SMAD1: variants seen among roughly 807,000 people sequenced by gnomAD.
The protein encoded by SMAD1 is SMAD family member 1.
SMAD1 carries 6 observed loss-of-function variants against 41.6 expected under a neutral mutation model. That is an observed-to-expected ratio of 0.14 (90% CI 0.08 to 0.28). The LOEUF (loss-of-function observed/expected upper bound fraction) is 0.28, where lower values mean the gene tolerates loss of function less well. Among genes scored for constraint, SMAD1 ranks in the 10% least tolerant of loss-of-function variants. The pLI, the probability that SMAD1 is intolerant of heterozygous loss-of-function variation, is 1.00. For synonymous variants in SMAD1, 206 were observed against 203.2 expected, an observed-to-expected ratio of 1.01 and a Z score of -0.12; for missense variants, 379 against 582.6, an observed-to-expected ratio of 0.65 and a Z score of 3.60.
intron 3 of SMAD1, 40 bp downstream of exon 3, chr4:145,540,101 G>A: frequency 6.2e-7 from 1 of 1,611,114 alleles, no homozygotes; most frequent in Non-Finnish European, 8.5e-7. Flanking sequence ...AGTCATATCA[G>A]ACAGTGTTAT....
intron 4 of SMAD1, 35 bp downstream of exon 4, chr4:145,542,733 G>A (rs1432508250): frequency 3.6e-6 from 5 of 1,387,676 alleles, no homozygotes; most frequent in Admixed American, 1.8e-5. Context: ...CTTTTTTAGA[G>A]TCTAAAGTTT....
intron 2 of SMAD1, among the ~76,000 whole-genome samples, chr4:145,538,047 T>TA (rs1560755148): frequency 6.6e-6 from 1 of 152,174 alleles, no homozygotes; most frequent in African/African-American, 2.4e-5. Context: ...GGGAGTGGTT[T>TA]AGGGGCCAAT....
In SMAD1 at chr4:145,514,573, T is replaced by C; in HGVS notation, c.-41T>C. On this transcript the variant is annotated 5_prime_UTR_variant, in exon 2 of 7. Coordinates refer to ENST00000302085, the MANE Select transcript of SMAD1 (RefSeq NM_005900.3). The surrounding 1 kb of genome is among the most constrained non-coding windows in gnomAD (Gnocchi z 4.7). ...TGTCCTTTTGCATTTGGAGACAGCTTTATTTCACCATATCCAAGGAGTATA... is the reference window on the plus strand; with the variant it reads ...TGTCCTTTTGCATTTGGAGACAGCTCTATTTCACCATATCCAAGGAGTATA... The C allele has an allele frequency of 1.3e-6, 2 of 1,519,012 alleles. No individual in the cohort carries two copies. Among genetic ancestry groups the C allele is most frequent in the Non-Finnish European group, 1.8e-6 (2 of 1,132,636 alleles). The allele number at this position is 1,519,012 out of a possible 1,614,324, so 94.1% of individuals were successfully genotyped here.
Position 145,518,829 on chromosome 4 carries a change from G to A in SMAD1, c.400+3816G>A, listed in dbSNP as rs114447283. Among the ~76,000 whole-genome samples, 608 of 124,700 alleles carry A rather than the reference G, an allele frequency of 4.9e-3. 62 individuals carry two copies. The highest frequency in any genetic ancestry group is 0.015 in the African/African-American group (574 of 39,396). 81.8% of individuals were successfully genotyped at this position (124,700 alleles called of 152,430 possible). ...TTAGAGTAGTGGTTTTCAAAGTGTC[G>A]TCCACAGAGTAGTAGCATCAGTACC... On this transcript the variant is annotated intron_variant, in intron 2 of 6. Coordinates refer to ENST00000302085, the MANE Select transcript of SMAD1 (RefSeq NM_005900.3).
Position 145,482,173 on chromosome 4 carries a change from G to T in SMAD1, c.-177+135G>T. ...GCCGCCGCGGTCGTGCTGGGCTGGG[G>T]GCGCGGGCAGCGGCGGGAAGGGGGC... is the stretch of plus-strand genomic sequence containing the variant. On this transcript the variant is annotated intron_variant, in intron 1 of 6. Coordinates refer to ENST00000302085, the MANE Select transcript of SMAD1 (RefSeq NM_005900.3). The surrounding 1 kb of genome is among the most constrained non-coding windows in gnomAD (Gnocchi z 4.2). 1 of 151,456 alleles carries T rather than the reference G, an allele frequency of 6.6e-6. No homozygotes were observed. The highest frequency in any genetic ancestry group is 6.6e-5 in the Admixed American group (1 of 15,230). The allele number at this position is 151,456 out of a possible 1,614,324, so 9.4% of individuals were successfully genotyped here.
intron 4 of SMAD1, among the ~76,000 whole-genome samples, chr4:145,543,425 C>T (rs758245861): frequency 3.9e-5 from 6 of 152,130 alleles, no homozygotes; most frequent in East Asian, 1.9e-4. Context: ...ACATAAACCC[C>T]GTCTGTTTTT....
chr4:145,523,725 C>G (rs2126455043), intron 2 of SMAD1, among the ~76,000 whole-genome samples: 1 of 152,188 alleles, frequency 6.6e-6, no homozygotes, highest in South Asian at 2.1e-4. Context: ...TACAAATCAG[C>G]TTTTGCGCTT....
At chr4:145,483,517 C>T (rs2126923358) in intron 1 of SMAD1, among the ~76,000 whole-genome samples, 1 of 152,326 alleles carries the variant, frequency 6.6e-6, no homozygotes. Flanking sequence ...GTGTTCACTG[C>T]CCCAGCATTT....
At chr4:145,535,545 G>A (rs760746182) in intron 2 of SMAD1, among the ~76,000 whole-genome samples, 21 of 152,152 alleles carry the variant, frequency 1.4e-4, no homozygotes, top group Non-Finnish European at 2.1e-4. Flanking sequence ...GGTGAAAAAA[G>A]CAAAGTGCAA....
At position 145,557,775 on chromosome 4, in the gene SMAD1, A is replaced by T. The variant is rs767864028; in HGVS notation, c.1255-16A>T. On this transcript the variant is annotated splice_polypyrimidine_tract_variant and intron_variant, in intron 6 of 6. Coordinates refer to ENST00000302085, the MANE Select transcript of SMAD1 (RefSeq NM_005900.3). ...GAGTTAAACAAGTTAAATGACCTCCAGTATGTTTTTCCTAGGGCTGGGGAG... is the reference window on the plus strand; with the variant it reads ...GAGTTAAACAAGTTAAATGACCTCCTGTATGTTTTTCCTAGGGCTGGGGAG... 1 of 1,596,396 alleles carries T rather than the reference A, an allele frequency of 6.3e-7. No homozygotes were observed. The highest frequency in any genetic ancestry group is 1.1e-5 in the South Asian group (1 of 88,474).
chr4:145,497,067 C>A (rs576438098), intron 1 of SMAD1: 1 of 152,282 alleles, frequency 6.6e-6, no homozygotes, highest in African/African-American at 2.4e-5. Context: ...AGGCATTTCT[C>A]TAGAATTTAC....
At chr4:145,555,540 C>G (rs565474772) in intron 6 of SMAD1, among the ~76,000 whole-genome samples, 4 of 152,142 alleles carry the variant, frequency 2.6e-5, no homozygotes, top group Non-Finnish European at 5.9e-5. Context: ...TGAAGGACCA[C>G]TCTAAGAGAA....
upstream of SMAD1, chr4:145,481,487 T>C (rs2126918624): frequency 6.6e-6 from 1 of 152,236 alleles, no homozygotes; most frequent in East Asian, 1.9e-4. Flanking sequence ...AATAAACATA[T>C]GGAACATCGA....
chr4:145,495,002 A>T (rs1029423870), intron 1 of SMAD1, among the ~76,000 whole-genome samples: 28 of 152,228 alleles, frequency 1.8e-4, no homozygotes, highest in Admixed American at 1.6e-3. Context: ...CAAATGAGTT[A>T]TAGAAAGCTG....
chr4:145,493,266 C>G (rs1728873524), intron 1 of SMAD1, among the ~76,000 whole-genome samples: 1 of 152,094 alleles, frequency 6.6e-6, no homozygotes, highest in African/African-American at 2.4e-5. Context: ...TTATCAGAGA[C>G]AGTAGTTTTT....
chr4:145,495,881 A>G (rs143772461), intron 1 of SMAD1, among the ~76,000 whole-genome samples: 1,904 of 150,708 alleles, frequency 0.013, 35 homozygotes, highest in African/African-American at 0.044. Flanking sequence ...AAGTGCTGGG[A>G]TTACAGGTGT....
intron 2 of SMAD1, among the ~76,000 whole-genome samples, chr4:145,522,457 C>G (rs575120958): frequency 7.2e-4 from 110 of 151,784 alleles, no homozygotes; most frequent in Non-Finnish European, 1.3e-3. Flanking sequence ...CAAAATTAGC[C>G]CACGTGGTGG....
chr4:145,494,210 T>C (rs2126945750), intron 1 of SMAD1, among the ~76,000 whole-genome samples: 1 of 152,268 alleles, frequency 6.6e-6, no homozygotes, highest in African/African-American at 2.4e-5. Context: ...CCCACCTGCC[T>C]CTCCCTCCCA....
intron 1 of SMAD1, among the ~76,000 whole-genome samples, chr4:145,491,773 C>G (rs1728780237): frequency 6.6e-6 from 1 of 152,306 alleles, no homozygotes; most frequent in Non-Finnish European, 1.5e-5. Context: ...TACACAGTTT[C>G]TCAGTCACCT....
Sources: allele counts gnomAD v4.1 joint callset (sites outside exome capture counted in the v4.1 genomes callset), GRCh38; gene constraint gnomAD v4.1.1; non-coding constraint Gnocchi (gnomAD v3.1); transcripts MANE v1.5; gene names NCBI Gene and HGNC (gene_info 2026-07-23, HGNC 2026-07-21).